Variants in TRPC7 observed in about 807,000 individuals in gnomAD.
TRPC7 encodes short transient receptor potential channel 7.
In TRPC7, 42 loss-of-function variants were observed where a neutral mutation model predicts 90.1. That is an observed-to-expected ratio of 0.47 (90% CI 0.36 to 0.60). The LOEUF is 0.60. Ranked by LOEUF, TRPC7 falls within the 20% of genes least tolerant of loss-of-function variation. TRPC7 has a pLI of 0.00. For synonymous variants in TRPC7, 451 were observed against 436.3 expected (o/e 1.03, Z -0.42); for missense variants, 955 against 1,112.3 (o/e 0.86, Z 2.01).
At chr5:136,301,163 A>G (rs1429655729) in intron 3 of TRPC7, among the ~76,000 whole-genome samples, 1 of 151,974 alleles carries the variant, frequency 6.6e-6, no homozygotes, top group African/African-American at 2.4e-5. Flanking sequence ...AGTAGCTGGG[A>G]CTACAGGCAC....
intron 2 of TRPC7, among the ~76,000 whole-genome samples, chr5:136,339,363 G>A (rs900680612): frequency 3.9e-5 from 6 of 152,066 alleles, no homozygotes; most frequent in Non-Finnish European, 7.4e-5. Context: ...TTATGGTAGG[G>A]GCCTAAATTC....
chr5:136,274,964 C>T, intron 3 of TRPC7, 127 bp from the exon 4 acceptor site: 1 of 1,055,696 alleles, frequency 9.5e-7, no homozygotes, highest in Non-Finnish European at 1.3e-6. Flanking sequence ...GGTTGAGGAA[C>T]CTGCAGTGGG....
At chr5:136,304,279 C>A (rs1196178737) in intron 3 of TRPC7, among the ~76,000 whole-genome samples, 1 of 152,066 alleles carries the variant, frequency 6.6e-6, no homozygotes. Flanking sequence ...CCTAATCACC[C>A]TTACCCCGCT....
intron 2 of TRPC7, among the ~76,000 whole-genome samples, chr5:136,336,541 G>A (rs896893076): frequency 6.6e-6 from 1 of 151,490 alleles, no homozygotes; most frequent in Non-Finnish European, 1.5e-5. Context: ...TTAAGTTCTA[G>A]GATACATGTA....
Position 136,282,471 on chromosome 5 carries a change from T to A in TRPC7, c.964-7634A>T, listed in dbSNP as rs571292649. Among the ~76,000 whole-genome samples the A allele has an allele frequency of 1.6e-4, 24 of 152,364 alleles. 3 individuals carry two copies. In the South Asian group the frequency reaches 4.8e-3, roughly 30 times the overall value. ...ATTATTTTAAAATGACACTTTAAAA[T>A]TCAGTCTATCTCCTGTAAATTTATA... On this transcript the variant is annotated intron_variant, in intron 3 of 11. Coordinates refer to ENST00000513104, the MANE Select transcript of TRPC7 (RefSeq NM_020389.3).
intron 3 of TRPC7, 150 bp from the exon 4 acceptor site, chr5:136,274,987 G>A (rs767037639): frequency 1.5e-4 from 122 of 815,578 alleles, no homozygotes; most frequent in Non-Finnish European, 1.7e-4. Flanking sequence ...GGGATGAGGC[G>A]TAGGAAGGGG....
intron 1 of TRPC7, among the ~76,000 whole-genome samples, chr5:136,364,215 T>G (rs1760655978): frequency 6.6e-6 from 1 of 152,224 alleles, no homozygotes; most frequent in Non-Finnish European, 1.5e-5. Context: ...AGGCTCCACA[T>G]AGTTCTGATT....
In TRPC7 at chr5:136,247,857, T is replaced by G. The variant is rs777992801; in HGVS notation, c.1580-122A>C. 7.9e-7 allele frequency: 1 copy of G among 1,261,708 alleles called. No homozygotes were observed. Among genetic ancestry groups the G allele is most frequent in the East Asian group, 2.4e-5 (1 of 41,882 alleles). 78.2% of individuals were successfully genotyped at this position (1,261,708 alleles called of 1,614,324 possible). On this transcript the variant is annotated intron_variant, in intron 6 of 11. Coordinates refer to ENST00000513104, the MANE Select transcript of TRPC7 (RefSeq NM_020389.3). The surrounding 1 kb of genome is among the most constrained non-coding windows in gnomAD (Gnocchi z 4.2). ...TGCCATTCTTGTCCTTGTCCTTAAA[T>G]TAATCCCAATATCCAGAAGTTGCCA...
At chr5:136,291,798 G>A (rs952811859) in intron 3 of TRPC7, among the ~76,000 whole-genome samples, 1 of 152,274 alleles carries the variant, frequency 6.6e-6, no homozygotes, top group Non-Finnish European at 1.5e-5. Flanking sequence ...GGACCTAATA[G>A]ACATCTACAG....
Position 136,225,977 on chromosome 5 carries a change from G to A in TRPC7, c.2262+57C>T, listed in dbSNP as rs1046803902. The A allele has an allele frequency of 4.9e-5, 72 of 1,455,584 alleles. No homozygotes were observed. The Admixed American group carries it at 1.1e-3, about 22-fold the overall frequency. The allele number at this position is 1,455,584 out of a possible 1,614,324, so 90.2% of individuals were successfully genotyped here. A position where few individuals can be genotyped will look rare whatever the true frequency, so the allele number is the denominator to read the frequency against. ...AGCCATATGACTCAAACACACTCTA[G>A]ACTCGCCTGCCCCCTCCTGCTGCCT... On this transcript the variant is annotated intron_variant, in intron 9 of 11. Transcript: ENST00000513104.
chr5:136,272,698 G>A (rs940337324), intron 4 of TRPC7, among the ~76,000 whole-genome samples: 2 of 152,060 alleles, frequency 1.3e-5, no homozygotes, highest in Non-Finnish European at 2.9e-5. Flanking sequence ...TGGAACTTCT[G>A]GGGGCACCAA....
intron 2 of TRPC7, among the ~76,000 whole-genome samples, chr5:136,343,521 G>A (rs918294801): frequency 2.6e-5 from 4 of 152,138 alleles, no homozygotes; most frequent in African/African-American, 9.7e-5. Context: ...TGAACAGACA[G>A]GCCTTGGTCT....
At chr5:136,349,839 G>T (rs1013390755) in intron 2 of TRPC7, among the ~76,000 whole-genome samples, 1 of 152,164 alleles carries the variant, frequency 6.6e-6, no homozygotes, top group Admixed American at 6.5e-5. Flanking sequence ...CTCCAGAATG[G>T]ACTGCATATA....
chr5:136,229,713 C>CTG, intron 8 of TRPC7, among the ~76,000 whole-genome samples: 1 of 152,330 alleles, frequency 6.6e-6, no homozygotes, highest in East Asian at 1.9e-4. Context: ...GCCACACAGT[C>CTG]TGTGGTATTT....
intron 10 of TRPC7, 106 bp from the exon 11 acceptor site, chr5:136,216,381 T>C (rs1755270034): frequency 1.2e-6 from 1 of 858,940 alleles, no homozygotes; most frequent in East Asian, 2.6e-5. Flanking sequence ...TCAGCAACCA[T>C]GGCGACCCTC....
intron 3 of TRPC7, among the ~76,000 whole-genome samples, chr5:136,294,891 A>G (rs1321923894): frequency 1.3e-5 from 2 of 152,248 alleles, no homozygotes; most frequent in Non-Finnish European, 2.9e-5. Flanking sequence ...AATCAACCCA[A>G]ATGTCCAGCA....
chr5:136,308,040 C>T (rs111808424), intron 3 of TRPC7, among the ~76,000 whole-genome samples: 2,658 of 152,304 alleles, frequency 0.017, 65 homozygotes, highest in African/African-American at 0.059. Context: ...TGAACACGCA[C>T]AGTCGGGCTC....
intron 2 of TRPC7, among the ~76,000 whole-genome samples, chr5:136,348,768 C>G (rs137937478): frequency 1.1e-3 from 161 of 152,276 alleles, no homozygotes; most frequent in African/African-American, 3.5e-3. Flanking sequence ...TAAATATTTT[C>G]TGTATTTAAT....
At chr5:136,350,295 C>T (rs1760149055) in intron 2 of TRPC7, among the ~76,000 whole-genome samples, 1 of 152,188 alleles carries the variant, frequency 6.6e-6, no homozygotes, top group South Asian at 2.1e-4. Context: ...AACCTCCTCG[C>T]TGTCCACTTC....
Sources: gnomAD v4.1 joint callset for allele counts (sites outside exome capture counted in the v4.1 genomes callset) on GRCh38, gnomAD v4.1.1 for gene constraint, Gnocchi (gnomAD v3.1) non-coding constraint, MANE v1.5 for transcripts, NCBI Gene and HGNC (gene_info 2026-07-23, HGNC 2026-07-21) for gene names.